Variants in EPS15 observed in about 807,000 individuals in gnomAD.
EPS15 encodes epidermal growth factor receptor substrate 15.
A neutral mutation model predicts 113.8 loss-of-function variants in EPS15; 72 were observed. The ratio of observed to expected loss-of-function variants is 0.63; its 90% confidence interval spans 0.52 to 0.77. The LOEUF is 0.77. Among genes scored for constraint, EPS15 ranks in the 30% least tolerant of loss-of-function variants. The pLI is 0.00. For missense variants in EPS15, 1,048 were observed against 1,045.8 expected, an observed-to-expected ratio of 1.00 and a Z score of -0.03; for synonymous variants, 344 against 363.4, an observed-to-expected ratio of 0.95 and a Z score of 0.61.
rs61424066 is a variant in EPS15, at chr1:51,508,244, G to A, written c.33+10955C>T. ...AAAAGAAAAGAAAAGAAAAGAAAGA[G>A]AGAAAGAGAGAGAGAGAGAGAGAGA... On this transcript the variant is annotated intron_variant, in intron 1 of 24. Transcript: ENST00000371733. Among the ~76,000 whole-genome samples, 3 of 48,576 alleles carry A rather than the reference G, an allele frequency of 6.2e-5. No homozygotes were observed. In the South Asian group the frequency reaches 2.5e-3, roughly 40 times the overall value. 31.9% of individuals were successfully genotyped at this position (48,576 alleles called of 152,430 possible).
intron 1 of EPS15, among the ~76,000 whole-genome samples, chr1:51,503,593 G>C (rs1209223180): frequency 6.6e-6 from 1 of 152,160 alleles, no homozygotes; most frequent in Non-Finnish European, 1.5e-5. Flanking sequence ...AATGAGCCGA[G>C]TTTGCACCAC....
chr1:51,389,909 C>G (rs1647214035), intron 21 of EPS15, among the ~76,000 whole-genome samples: 1 of 152,230 alleles, frequency 6.6e-6, no homozygotes, highest in Non-Finnish European at 1.5e-5. Context: ...TTTATAGATT[C>G]AATGCCATCC....
intron 11 of EPS15, among the ~76,000 whole-genome samples, 157 bp downstream of exon 11, chr1:51,444,732 C>T (rs1053750864): frequency 2.6e-4 from 39 of 152,154 alleles, no homozygotes; most frequent in African/African-American, 8.9e-4. Flanking sequence ...GGCACTCCAG[C>T]ATATTTATAG....
At chr1:51,470,030 T>C (rs1182740574) in intron 4 of EPS15, among the ~76,000 whole-genome samples, 1 of 152,214 alleles carries the variant, frequency 6.6e-6, no homozygotes, top group Non-Finnish European at 1.5e-5. Flanking sequence ...ACTGCTAGTA[T>C]TCTAAGTATT....
chr1:51,508,850 C>G (rs1644569444), intron 1 of EPS15, among the ~76,000 whole-genome samples: 1 of 152,028 alleles, frequency 6.6e-6, no homozygotes, highest in South Asian at 2.1e-4. Flanking sequence ...ACTCTATGCA[C>G]CAAAATACAA....
At chr1:51,452,955 G>A (rs1252317357) in intron 8 of EPS15, among the ~76,000 whole-genome samples, 2 of 152,162 alleles carry the variant, frequency 1.3e-5, no homozygotes, top group Non-Finnish European at 2.9e-5. Flanking sequence ...CCCGAATGAT[G>A]CTGATGCTGT....
At chr1:51,402,253 A>G (rs1023462539) in intron 18 of EPS15, among the ~76,000 whole-genome samples, 182 bp downstream of exon 18, 1 of 152,162 alleles carries the variant, frequency 6.6e-6, no homozygotes, top group Non-Finnish European at 1.5e-5. Context: ...AGGCTGAGAC[A>G]GGAGAATCGC....
intron 20 of EPS15, 78 bp from the exon 21 acceptor site, chr1:51,394,525 T>C (rs1647720861): frequency 2.7e-6 from 2 of 751,442 alleles, no homozygotes; most frequent in Non-Finnish European, 4.3e-6. Context: ...CCAAAGAATA[T>C]ATTCTTTACA....
intron 8 of EPS15, 65 bp from the exon 9 acceptor site, chr1:51,448,200 T>C (rs745648798): frequency 2.2e-6 from 2 of 921,964 alleles, no homozygotes; most frequent in Non-Finnish European, 3.3e-6. Flanking sequence ...ACTGAATTGA[T>C]TATTGTTCAA....
chr1:51,406,352 T>A (rs1297174927), intron 15 of EPS15, among the ~76,000 whole-genome samples: 1 of 152,132 alleles, frequency 6.6e-6, no homozygotes, highest in Admixed American at 6.5e-5. Flanking sequence ...GGAGTGCACC[T>A]GTAGTCCCAG....
intron 21 of EPS15, among the ~76,000 whole-genome samples, chr1:51,374,110 T>C (rs1285508417): frequency 6.6e-6 from 1 of 152,144 alleles, no homozygotes; most frequent in Non-Finnish European, 1.5e-5. Context: ...GAAAACCTAC[T>C]GGGTATTTTA....
At chr1:51,408,407 A>C (rs1456423160) in intron 14 of EPS15, 75 bp from the exon 15 acceptor site, 1 of 1,074,972 alleles carries the variant, frequency 9.3e-7, no homozygotes, top group African/African-American at 1.6e-5. Context: ...AAAATGCAAT[A>C]CATTTATTTG....
At chr1:51,426,839 A>C (rs1275780) in intron 12 of EPS15, among the ~76,000 whole-genome samples, 85,725 of 128,470 alleles carry the variant, frequency 0.67, 26,334 homozygotes, top group South Asian at 0.84. Context: ...CTCTCTCTCT[A>C]TATATATATA....
chr1:51,397,593 T>C (rs1328431525), intron 20 of EPS15, among the ~76,000 whole-genome samples: 1 of 152,146 alleles, frequency 6.6e-6, no homozygotes, highest in East Asian at 1.9e-4. Context: ...GCAAACTAAG[T>C]GCTATAGGAA....
chr1:51,473,546 T>C (rs1655391245), intron 2 of EPS15, among the ~76,000 whole-genome samples: 2 of 152,090 alleles, frequency 1.3e-5, no homozygotes, highest in South Asian at 4.1e-4. Context: ...GACCAGGGAC[T>C]TTCCTTTAAG....
chr1:51,359,490 T>C (rs1646330320), intron 24 of EPS15, among the ~76,000 whole-genome samples: 1 of 148,574 alleles, frequency 6.7e-6, no homozygotes, highest in Admixed American at 6.7e-5. Flanking sequence ...CTGGGCGCGA[T>C]GGCTCACACC....
At chr1:51,454,159 T>C (rs1653805054) in intron 8 of EPS15, among the ~76,000 whole-genome samples, 1 of 150,910 alleles carries the variant, frequency 6.6e-6, no homozygotes, top group African/African-American at 2.4e-5. Flanking sequence ...TACACACTAA[T>C]ACACACAAAA....
intron 1 of EPS15, among the ~76,000 whole-genome samples, chr1:51,510,836 A>G (rs1644606076): frequency 6.9e-6 from 1 of 145,566 alleles, no homozygotes; most frequent in African/African-American, 2.5e-5. Flanking sequence ...TCACCCCTAG[A>G]AAGTATATCT....
At chr1:51,404,156 C>A (rs140074095) in intron 16 of EPS15, among the ~76,000 whole-genome samples, 3,330 of 152,210 alleles carry the variant, frequency 0.022, 32 homozygotes, top group Middle Eastern at 0.034. Context: ...ACCTTCCTGG[C>A]TAACACGGTG....
Sources: allele counts gnomAD v4.1 joint callset (sites outside exome capture counted in the v4.1 genomes callset), GRCh38; gene constraint gnomAD v4.1.1; transcripts MANE v1.5; gene names NCBI Gene and HGNC (gene_info 2026-07-23, HGNC 2026-07-21).